Variants in CNTN5 observed in about 807,000 individuals in gnomAD.
The protein encoded by CNTN5 is contactin 5.
CNTN5 carries 77 observed loss-of-function variants against 129.1 expected under a neutral mutation model. The observed-to-expected ratio is 0.60, with a 90% CI of 0.50 to 0.72. CNTN5 has a LOEUF of 0.72. Ranked by LOEUF, CNTN5 falls within the 30% of genes least tolerant of loss-of-function variation. CNTN5 has a pLI of 0.00. For missense variants in CNTN5, 1,478 were observed against 1,328.8 expected (o/e 1.11, Z -1.75); for synonymous variants, 509 against 465.6 (o/e 1.09, Z -1.20).
intron 13 of CNTN5, among the ~76,000 whole-genome samples, chr11:100,151,425 A>C (rs1415949163): frequency 6.6e-6 from 1 of 150,670 alleles, no homozygotes; most frequent in Non-Finnish European, 1.5e-5. Flanking sequence ...ACAGTTGCCA[A>C]AATGAGAGTA....
At chr11:100,278,421 T>A (rs1405269782) in intron 18 of CNTN5, among the ~76,000 whole-genome samples, 2 of 152,112 alleles carry the variant, frequency 1.3e-5, no homozygotes, top group Non-Finnish European at 2.9e-5. Context: ...ATTTTAACAA[T>A]ATTGTTTCTT....
At chr11:99,498,421 A>G (rs1431397180) in intron 2 of CNTN5, among the ~76,000 whole-genome samples, 1 of 152,088 alleles carries the variant, frequency 6.6e-6, no homozygotes, top group Non-Finnish European at 1.5e-5. Context: ...ATTGTTTCCA[A>G]CTAATTTTTT....
intron 3 of CNTN5, among the ~76,000 whole-genome samples, chr11:99,563,096 G>T (rs1354908368): frequency 6.6e-6 from 1 of 151,970 alleles, no homozygotes; most frequent in Admixed American, 6.6e-5. Context: ...AAGAATGAAA[G>T]GCAAATTATA....
chr11:99,748,763 T>A (rs1422995228), intron 3 of CNTN5, among the ~76,000 whole-genome samples: 4 of 152,308 alleles, frequency 2.6e-5, no homozygotes, highest in Non-Finnish European at 2.9e-5. Context: ...TTTCTCTACT[T>A]TTTTGTTCTA....
intron 3 of CNTN5, among the ~76,000 whole-genome samples, chr11:99,770,349 C>A (rs896437614): frequency 6.6e-6 from 1 of 151,942 alleles, no homozygotes; most frequent in African/African-American, 2.4e-5. Flanking sequence ...GTTAACACAT[C>A]CTCATAAGAG....
chr11:99,639,949 A>C (rs1951710510), intron 3 of CNTN5, among the ~76,000 whole-genome samples: 1 of 152,114 alleles, frequency 6.6e-6, no homozygotes, highest in South Asian at 2.1e-4. Context: ...AAGTTCCACA[A>C]ATCTCTAGGG....
chr11:99,217,297 G>A (rs939661082), intron 1 of CNTN5, among the ~76,000 whole-genome samples: 2 of 152,068 alleles, frequency 1.3e-5, no homozygotes, highest in African/African-American at 4.8e-5. Context: ...ATCAAAAGAA[G>A]ACACACAGAT....
At chr11:99,924,674 G>C (rs1950020706) in intron 7 of CNTN5, among the ~76,000 whole-genome samples, 1 of 150,760 alleles carries the variant, frequency 6.6e-6, no homozygotes, top group Non-Finnish European at 1.5e-5. Flanking sequence ...CTTTTTCTGT[G>C]GTTTATTTGC....
At chr11:99,815,587 C>T (rs1242849775) in intron 3 of CNTN5, among the ~76,000 whole-genome samples, 1 of 152,106 alleles carries the variant, frequency 6.6e-6, no homozygotes, top group African/African-American at 2.4e-5. Context: ...AGACCATGTC[C>T]AGATCTTGAA....
In CNTN5 at chr11:100,111,770, C is replaced by A. The variant is rs75408767; in HGVS notation, c.1580+37476C>A. On this transcript the variant is annotated intron_variant, in intron 13 of 24. Coordinates refer to ENST00000524871, the MANE Select transcript of CNTN5 (RefSeq NM_014361.4). ...CATTCATCTTAACCGAAATTTTATG[C>A]CTGTTGATTAATATCTCCCCATTTG... 1.2e-3 allele frequency among the ~76,000 whole-genome samples: 190 copies of A among 152,164 alleles called. 6 individuals carry two copies. The East Asian group carries it at 0.034, about 27-fold the overall frequency.
At chr11:100,081,947 A>G (rs1944382538) in intron 13 of CNTN5, among the ~76,000 whole-genome samples, 1 of 152,214 alleles carries the variant, frequency 6.6e-6, no homozygotes, top group Admixed American at 6.6e-5. Context: ...AATAAAACTG[A>G]AAATATTGCC....
At chr11:99,617,720 A>C (rs762505220) in intron 3 of CNTN5, among the ~76,000 whole-genome samples, 5 of 152,224 alleles carry the variant, frequency 3.3e-5, no homozygotes, top group Non-Finnish European at 7.3e-5. Context: ...AACTTAACAC[A>C]TGAAGACAAA....
intron 2 of CNTN5, among the ~76,000 whole-genome samples, chr11:99,332,245 A>G (rs71462651): frequency 0.25 from 37,343 of 151,964 alleles, 5,162 homozygotes; most frequent in South Asian, 0.32. Context: ...TATGCTCCAA[A>G]TTATTCCACT....
intron 3 of CNTN5, among the ~76,000 whole-genome samples, chr11:99,734,627 G>C (rs1349137925): frequency 6.6e-6 from 1 of 151,648 alleles, no homozygotes. Flanking sequence ...CATTGATTTT[G>C]TTTTCCATAC....
chr11:99,300,451 A>G (rs1467257374), intron 1 of CNTN5, among the ~76,000 whole-genome samples: 1 of 152,046 alleles, frequency 6.6e-6, no homozygotes, highest in African/African-American at 2.4e-5. Context: ...CCATCCTTGC[A>G]TACCTGGAAT....
At chr11:99,753,411 CGCGCCCG>C (rs546748619) in intron 3 of CNTN5, among the ~76,000 whole-genome samples, 52 of 151,682 alleles carry the variant, frequency 3.4e-4, no homozygotes, top group African/African-American at 1.2e-3. Flanking sequence ...CGTGAGCCAC[CGCGCCCG>C]GCCTGCTTTT....
At chr11:99,309,118 T>A (rs892759301) in intron 1 of CNTN5, among the ~76,000 whole-genome samples, 1 of 151,982 alleles carries the variant, frequency 6.6e-6, no homozygotes, top group Non-Finnish European at 1.5e-5. Flanking sequence ...ACATCAGGAG[T>A]TTTTATAGGC....
chr11:99,354,566 C>T (rs1053968439), intron 2 of CNTN5, among the ~76,000 whole-genome samples: 20 of 152,164 alleles, frequency 1.3e-4, no homozygotes, highest in African/African-American at 4.1e-4. Flanking sequence ...AAAGGGGAGA[C>T]ATCAGCGACC....
chr11:99,899,515 G>T (rs1949297970), intron 6 of CNTN5, among the ~76,000 whole-genome samples: 1 of 151,924 alleles, frequency 6.6e-6, no homozygotes, highest in Non-Finnish European at 1.5e-5. Flanking sequence ...CTGTTTATGT[G>T]GTGGATCATG....
Sources: gnomAD v4.1 joint callset for allele counts (sites outside exome capture counted in the v4.1 genomes callset) on GRCh38, gnomAD v4.1.1 for gene constraint, MANE v1.5 for transcripts, NCBI Gene and HGNC (gene_info 2026-07-23, HGNC 2026-07-21) for gene names.